The following ZNF385D variants were observed in gnomAD, a reference collection of about 807,000 sequenced individuals.
ZNF385D encodes the protein zinc finger protein 385D.
ZNF385D carries 15 observed loss-of-function variants against 35.8 expected under a neutral mutation model. That is an observed-to-expected ratio of 0.42 (90% CI 0.28 to 0.64). The LOEUF (loss-of-function observed/expected upper bound fraction) is 0.64. Among genes scored for constraint, ZNF385D ranks in the 30% least tolerant of loss-of-function variants. ZNF385D has a pLI of 0.23. For missense variants in ZNF385D, 474 were observed against 494.6 expected, an observed-to-expected ratio of 0.96 and a Z score of 0.39; for synonymous variants, 212 against 186.8, an observed-to-expected ratio of 1.13 and a Z score of -1.10.
At chr3:22,116,854 G>A (rs996247227) in intron 3 of ZNF385D, among the ~76,000 whole-genome samples, 24 of 152,106 alleles carry the variant, frequency 1.6e-4, no homozygotes, top group African/African-American at 4.1e-4. Context: ...TATAGAAATT[G>A]TCTGTAACAC....
intron 1 of ZNF385D, among the ~76,000 whole-genome samples, chr3:21,741,358 T>G (rs1041743585): frequency 2.0e-5 from 3 of 152,228 alleles, no homozygotes; most frequent in African/African-American, 7.2e-5. Context: ...CAATTTACCT[T>G]TTAACTGATA....
intron 2 of ZNF385D, among the ~76,000 whole-genome samples, chr3:21,632,527 TTAAG>T (rs763410550): frequency 5.2e-4 from 79 of 152,236 alleles, no homozygotes; most frequent in Middle Eastern, 3.4e-3. Context: ...ATAAAATGCA[TTAAG>T]TAAGTTAATT....
At chr3:21,787,259 T>TG (rs2071726358) in intron 3 of ZNF385D, among the ~76,000 whole-genome samples, 1 of 152,072 alleles carries the variant, frequency 6.6e-6, no homozygotes, top group Admixed American at 6.5e-5. Context: ...ACCTCAGGTG[T>TG]GGGTGCAAAC....
At chr3:22,273,823 A>T (rs1338492482) in intron 2 of ZNF385D, among the ~76,000 whole-genome samples, 1 of 151,992 alleles carries the variant, frequency 6.6e-6, no homozygotes, top group Non-Finnish European at 1.5e-5. Flanking sequence ...CAGAGGTTAC[A>T]TACAATTTGC....
intron 2 of ZNF385D, among the ~76,000 whole-genome samples, chr3:22,258,536 C>G (rs551317299): frequency 1.8e-4 from 28 of 151,738 alleles, no homozygotes; most frequent in African/African-American, 6.7e-4. Context: ...AAAGGCCTCT[C>G]TGGGTAGCAG....
At chr3:21,565,022 T>TAACA (rs1300010438) in intron 2 of ZNF385D, among the ~76,000 whole-genome samples, 1 of 152,220 alleles carries the variant, frequency 6.6e-6, no homozygotes, top group African/African-American at 2.4e-5. Flanking sequence ...GCCAGCAATC[T>TAACA]AACACAGAAG....
At chr3:21,712,031 T>A (rs1221738441) in intron 1 of ZNF385D, among the ~76,000 whole-genome samples, 1 of 152,198 alleles carries the variant, frequency 6.6e-6, no homozygotes, top group Non-Finnish European at 1.5e-5. Context: ...TGGTGAAGGA[T>A]TTGAAACCTT....
intron 3 of ZNF385D, among the ~76,000 whole-genome samples, chr3:21,940,316 T>G (rs1351706634): frequency 2.0e-5 from 3 of 152,188 alleles, no homozygotes. Context: ...TTCACCCAGT[T>G]CACCCATTTA....
At chr3:21,712,534 A>G (rs370964660) in intron 1 of ZNF385D, among the ~76,000 whole-genome samples, 2 of 152,206 alleles carry the variant, frequency 1.3e-5, no homozygotes, top group East Asian at 3.8e-4. Flanking sequence ...TATTTTAAAT[A>G]ATAGAAAAGT....
chr3:21,632,764 A>C (rs537920235), intron 2 of ZNF385D, among the ~76,000 whole-genome samples: 62 of 152,244 alleles, frequency 4.1e-4, no homozygotes, highest in Non-Finnish European at 7.8e-4. Flanking sequence ...GCTGTGACAA[A>C]ATTTGGAGAA....
chr3:21,965,545 A>G (rs1263944330), intron 3 of ZNF385D, among the ~76,000 whole-genome samples: 1 of 152,208 alleles, frequency 6.6e-6, no homozygotes, highest in East Asian at 1.9e-4. Context: ...AGAAAGATAA[A>G]GAAAGGTTGA....
At chr3:21,760,347 T>C (rs1256482061) in intron 3 of ZNF385D, among the ~76,000 whole-genome samples, 1 of 152,222 alleles carries the variant, frequency 6.6e-6, no homozygotes, top group Admixed American at 6.5e-5. Context: ...GTCACTTCCA[T>C]GATGCTTTTC....
chr3:22,006,016 G>C (rs1262937290), intron 3 of ZNF385D, among the ~76,000 whole-genome samples: 1 of 151,736 alleles, frequency 6.6e-6, no homozygotes, highest in East Asian at 1.9e-4. Context: ...TTTGAGCTTT[G>C]ACTATAAATG....
At chr3:22,223,336 T>C (rs918549383) in intron 2 of ZNF385D, among the ~76,000 whole-genome samples, 1 of 152,282 alleles carries the variant, frequency 6.6e-6, no homozygotes, top group Admixed American at 6.5e-5. Context: ...TTCATAAGTA[T>C]AGTAATGGCT....
At chr3:22,330,327 G>A (rs890447036) in intron 2 of ZNF385D, among the ~76,000 whole-genome samples, 2 of 152,070 alleles carry the variant, frequency 1.3e-5, no homozygotes, top group African/African-American at 2.4e-5. Context: ...GTAAATTCAT[G>A]TACTAACTGC....
At chr3:21,709,337 C>T (rs1575505132) in intron 1 of ZNF385D, among the ~76,000 whole-genome samples, 1 of 152,048 alleles carries the variant, frequency 6.6e-6, no homozygotes, top group Admixed American at 6.5e-5. Flanking sequence ...TCTAATTTTT[C>T]GAGCCAGAGT....
intron 3 of ZNF385D, among the ~76,000 whole-genome samples, chr3:21,819,327 G>C (rs1200633338): frequency 6.6e-6 from 1 of 151,670 alleles, no homozygotes; most frequent in East Asian, 1.9e-4. Flanking sequence ...ATTGTCAGAT[G>C]AGACTGGAAA....
chr3:21,676,000 A>AT (rs1359699780), intron 1 of ZNF385D, among the ~76,000 whole-genome samples: 1 of 152,048 alleles, frequency 6.6e-6, no homozygotes, highest in Non-Finnish European at 1.5e-5. Context: ...TTCCGTTGTG[A>AT]TTTTTTCCAC....
At chr3:21,750,821 A>AT in intron 1 of ZNF385D, 74 bp downstream of exon 1, 1 of 1,599,382 alleles carries the variant, frequency 6.3e-7, no homozygotes, top group Non-Finnish European at 8.6e-7. Context: ...TGCTTAAAGA[A>AT]TTTTTTAAGG....
Sources: gnomAD v4.1 joint callset for allele counts (sites outside exome capture counted in the v4.1 genomes callset) on GRCh38, gnomAD v4.1.1 for gene constraint, MANE v1.5 for transcripts, NCBI Gene and HGNC (gene_info 2026-07-23, HGNC 2026-07-21) for gene names.